The following PHLDB1 variants were observed in gnomAD, a reference collection of about 807,000 sequenced individuals.
PHLDB1 encodes pleckstrin homology like domain family B member 1.
A neutral mutation model predicts 139.3 loss-of-function variants in PHLDB1; 65 were observed. The observed-to-expected ratio is 0.47, with a 90% confidence interval of 0.38 to 0.57. The LOEUF is 0.57. Among genes scored for constraint, PHLDB1 ranks in the 20% least tolerant of loss-of-function variants. PHLDB1 has a pLI of 0.00. For missense variants in PHLDB1, 1,624 were observed against 1,839.7 expected, an observed-to-expected ratio of 0.88 and a Z score of 2.14; for synonymous variants, 679 against 734.5, an observed-to-expected ratio of 0.92 and a Z score of 1.22.
chr11:118,611,206 T>C lies in PHLDB1; in HGVS notation c.-21-2610T>C, dbSNP rs782704790. On this transcript the variant is annotated intron_variant, in intron 1 of 22. Transcript: ENST00000600882. This position sits in a 1 kb window ranked among gnomAD's most constrained non-coding sequence, Gnocchi z 4.7. ...GCCCTTTGGGAAAGCACCGCCTGAG[T>C]GCAGGGCAGGTTGGCCTGGTGTCTC... Among the ~76,000 whole-genome samples, 6 of 152,192 alleles carry C rather than the reference T, an allele frequency of 3.9e-5. No homozygotes were observed. The highest frequency in any genetic ancestry group is 7.4e-5 in the Non-Finnish European group (5 of 68,024).
Position 118,656,952 on chromosome 11 carries a change from G to A in PHLDB1, c.*129G>A. ...TGAAGAACCAGCCAGAAGAAGAAAA[G>A]TAGAGGTGGCTTTGCTGCCTCCTGG... is the stretch of plus-strand genomic sequence containing the variant. On this transcript the variant is annotated 3_prime_UTR_variant, in exon 23 of 23. Transcript: ENST00000600882. The A allele has an allele frequency of 1.2e-6, 1 of 829,248 alleles. No homozygotes were observed. The highest frequency in any genetic ancestry group is 1.8e-6 in the Non-Finnish European group (1 of 542,246). 51.4% of individuals were successfully genotyped at this position (829,248 alleles called of 1,614,324 possible). A position where few individuals can be genotyped will look rare whatever the true frequency, so the allele number is the denominator to read the frequency against.
intron 5 of PHLDB1, among the ~76,000 whole-genome samples, chr11:118,626,148 A>C (rs1334932201): frequency 6.6e-6 from 1 of 152,102 alleles, no homozygotes; most frequent in Non-Finnish European, 1.5e-5. Context: ...GGCTTCCAGG[A>C]ACCAGCCATT....
intron 7 of PHLDB1, 140 bp downstream of exon 7, chr11:118,631,619 T>G: frequency 1.3e-6 from 1 of 783,296 alleles, no homozygotes; most frequent in Non-Finnish European, 1.9e-6. Context: ...GGTGCAGAAA[T>G]GAGACAAGGA....
rs1475892858 is a variant in PHLDB1, at chr11:118,613,831, AGGACCAT to A, written c.-1_6del. ...GTGTCCCTAGGAGCTCTGGAGCCTT[AGGACCAT>A]GGACGCTCTCAATAGGAACCAAATA... On this transcript the variant is annotated start_lost and 5_prime_UTR_variant, in exon 2 of 23. Transcript: ENST00000600882. The A allele has an allele frequency of 3.7e-6, 6 of 1,610,322 alleles. No homozygotes were observed. Among genetic ancestry groups the A allele is most frequent in the Non-Finnish European group, 5.1e-6 (6 of 1,177,050 alleles).
Position 118,608,921 on chromosome 11 carries a change from C to T in PHLDB1, c.-22+1222C>T, listed in dbSNP as rs1397818109. ...CACACAGCCTACCTCACACACGCACCCCAGTCACACACACAACCCAGCTCA... is the reference window on the plus strand; with the variant it reads ...CACACAGCCTACCTCACACACGCACTCCAGTCACACACACAACCCAGCTCA... On this transcript the variant is annotated intron_variant, in intron 1 of 22. Transcript: ENST00000600882. The surrounding 1 kb of genome is among the most constrained non-coding windows in gnomAD (Gnocchi z 6.7). 6.6e-6 allele frequency among the ~76,000 whole-genome samples: 1 copy of T among 151,754 alleles called. No individual in the cohort carries two copies. Among genetic ancestry groups the T allele is most frequent in the African/African-American group, 2.4e-5 (1 of 41,302 alleles).
In PHLDB1 at chr11:118,627,904, A is replaced by G; in HGVS notation, c.1081A>G (p.Ile361Val). ...RLGGQLPVVA[I>V]SLSEYPASGA... ...GGGTGGGCAGCTGCCTGTGGTGGCC[A>G]TCAGCCTGAGTGAATACCCAGCTTC... Residue 361 changes from isoleucine (I) to valine (V), a missense_variant, in exon 6 of 23, where the codon ATC becomes GTC. Physicochemically the swap from Ile to Val is conservative, Grantham distance 29 (BLOSUM62 3). Transcript: ENST00000600882. 6.2e-7 allele frequency: 1 copy of G among 1,611,618 alleles called. No individual in the cohort carries two copies. The highest frequency in any genetic ancestry group is 8.5e-7 in the Non-Finnish European group (1 of 1,180,006).
At position 118,642,343 on chromosome 11, in the gene PHLDB1, C is replaced by G. The variant is rs782407746; in HGVS notation, c.2826C>G (p.Ser942=). 3.7e-6 allele frequency: 6 copies of G among 1,611,718 alleles called. No homozygotes were observed. Among genetic ancestry groups the G allele is most frequent in the Non-Finnish European group, 5.1e-6 (6 of 1,179,974 alleles). ...TGGGGACTGGCCCCGCTGCAGCCTCCCCTCACTCTTCTCCCCCGCCTCTGC... is the reference window on the plus strand; with the variant it reads ...TGGGGACTGGCCCCGCTGCAGCCTCGCCTCACTCTTCTCCCCCGCCTCTGC... The part of the protein sequence containing the change: ...AGLGTGPAAA[S]PHSSPPPLPA... The change falls in exon 13 of 23, where the codon TCC becomes TCG. Residue 942 remains serine (S), a synonymous_variant. Transcript: ENST00000600882.
At chr11:118,648,139 AGATC>A (rs1555131777) in intron 18 of PHLDB1, 63 bp downstream of exon 18, 1 of 1,508,132 alleles carries the variant, frequency 6.6e-7, no homozygotes, top group Non-Finnish European at 9.1e-7. Flanking sequence ...AGAAGTGGGG[AGATC>A]CCAGGGTTTC....
At chr11:118,628,759 C>T in intron 6 of PHLDB1, 109 bp downstream of exon 6, 2 of 992,656 alleles carry the variant, frequency 2.0e-6, no homozygotes, top group Non-Finnish European at 2.9e-6. Flanking sequence ...GCTTCGGCTT[C>T]TCAAGGTTCC....
chr11:118,639,349 TG>T, intron 12 of PHLDB1, 98 bp downstream of exon 12: 1 of 837,978 alleles, frequency 1.2e-6, no homozygotes, highest in South Asian at 1.4e-5. Flanking sequence ...TGAGGTTGTG[TG>T]GGGGCATCTT....
intron 9 of PHLDB1, chr11:118,634,706 T>C: frequency 4.2e-6 from 1 of 235,766 alleles, no homozygotes; most frequent in South Asian, 3.9e-5. Flanking sequence ...CTCCTCACTT[T>C]CCCTTTCTGC....
intron 13 of PHLDB1, among the ~76,000 whole-genome samples, chr11:118,643,037 A>T (rs992183463): frequency 6.6e-6 from 1 of 152,108 alleles, no homozygotes; most frequent in Admixed American, 6.5e-5. Context: ...ACCATTTAAG[A>T]TCACCCCTTG....
Position 118,624,866 on chromosome 11 carries a change from T to C in PHLDB1, c.356-68T>C, listed in dbSNP as rs903542832. 2.6e-6 allele frequency: 4 copies of C among 1,559,216 alleles called. No homozygotes were observed. In the African/African-American group the frequency reaches 5.4e-5, roughly 21 times the overall value. ...CTCAGGTGATCCACCCTCCTCCGCC[T>C]CCAAAAGTGTTGGGATTACAGGTGT... On this transcript the variant is annotated intron_variant, in intron 4 of 22. Coordinates refer to ENST00000600882, the MANE Select transcript of PHLDB1 (RefSeq NM_001144758.3).
At chr11:118,643,570 C>T (rs1197233036) in intron 13 of PHLDB1, 45 of 985,228 alleles carry the variant, frequency 4.6e-5, no homozygotes, top group Non-Finnish European at 5.3e-5. Context: ...TTTTCTTAGA[C>T]CCAGGGTTGG....
intron 12 of PHLDB1, chr11:118,641,750 C>T (rs1555120915): frequency 3.9e-6 from 5 of 1,289,920 alleles, no homozygotes; most frequent in Non-Finnish European, 5.1e-6. Flanking sequence ...ATGCTGCCCT[C>T]CTCCTCGTTC....
At chr11:118,642,463 C>T (rs1399830087) in intron 13 of PHLDB1, 69 bp downstream of exon 13, 5 of 1,517,650 alleles carry the variant, frequency 3.3e-6, no homozygotes, top group Non-Finnish European at 3.6e-6. Flanking sequence ...TCCTGCCAAT[C>T]CATCAGCCAC....
rs1002540842 is a variant in PHLDB1, at chr11:118,628,526, G to A, written c.1703G>A (p.Arg568Gln). The change falls in exon 6 of 23, where the codon CGG (arginine) becomes CAG (glutamine). Residue 568 changes from arginine to glutamine, a missense_variant. Coordinates refer to ENST00000600882, the MANE Select transcript of PHLDB1 (RefSeq NM_001144758.3). ...VQRKLSSGDL[R>Q]VPVTRERKNS... is the part of the protein sequence containing the mutation. Reference sequence around the variant, plus strand: ...AGGAAGCTCTCCAGCGGGGACTTGCGGGTGCCTGTCACAAGGGAGCGGAAA... The same window carrying A: ...AGGAAGCTCTCCAGCGGGGACTTGCAGGTGCCTGTCACAAGGGAGCGGAAA... 9.3e-6 allele frequency: 15 copies of A among 1,613,120 alleles called. No individual in the cohort carries two copies. Among genetic ancestry groups the A allele is most frequent in the Admixed American group, 5.0e-5 (3 of 60,004 alleles).
intron 6 of PHLDB1, chr11:118,630,023 T>C: frequency 3.9e-6 from 5 of 1,269,874 alleles, no homozygotes; most frequent in Non-Finnish European, 5.1e-6. Flanking sequence ...CGAGGCTCTG[T>C]TCCGGTTTTT....
At chr11:118,647,082 TA>T (rs1166100344) in intron 17 of PHLDB1, 2 of 152,258 alleles carry the variant, frequency 1.3e-5, no homozygotes, top group Non-Finnish European at 2.9e-5. Context: ...AAAATCCTTT[TA>T]TAGTGGCTTT....
Sources: gnomAD v4.1 joint callset for allele counts (sites outside exome capture counted in the v4.1 genomes callset) on GRCh38, gnomAD v4.1.1 for gene constraint, Gnocchi (gnomAD v3.1) non-coding constraint, MANE v1.5 for transcripts, NCBI Gene and HGNC (gene_info 2026-07-23, HGNC 2026-07-21) for gene names.